The following UST variants were observed in gnomAD, a reference collection of about 807,000 sequenced individuals.
The protein encoded by UST is chondroitin sulfate 2-O-sulfotransferase.
A neutral mutation model predicts 45.6 loss-of-function variants in UST; 21 were observed. The ratio of observed to expected loss-of-function variants is 0.46; its 90% CI spans 0.33 to 0.66. The LOEUF is 0.66. Among genes scored for constraint, UST ranks in the 30% least tolerant of loss-of-function variants. The pLI is 0.02. For synonymous variants in UST, 215 were observed against 200.6 expected, an observed-to-expected ratio of 1.07 and a Z score of -0.61; for missense variants, 463 against 512.4, an observed-to-expected ratio of 0.90 and a Z score of 0.93.
chr6:148,762,929 T>C (rs1776248293), intron 1 of UST, among the ~76,000 whole-genome samples: 1 of 152,242 alleles, frequency 6.6e-6, no homozygotes, highest in Non-Finnish European at 1.5e-5. Flanking sequence ...TTTCATTCCC[T>C]GACTTTGCTG....
intron 1 of UST, among the ~76,000 whole-genome samples, chr6:148,771,747 T>C (rs900843737): frequency 1.8e-4 from 28 of 152,332 alleles, no homozygotes; most frequent in African/African-American, 6.5e-4. Context: ...TTGGATGATA[T>C]ATGTTTACTA....
intron 2 of UST, among the ~76,000 whole-genome samples, chr6:148,895,250 C>A (rs1167733189): frequency 6.6e-5 from 10 of 152,256 alleles, no homozygotes; most frequent in African/African-American, 2.2e-4. Flanking sequence ...TCTCCAATTT[C>A]TTCTATTTAA....
chr6:148,785,172 G>A (rs941545010), intron 1 of UST, among the ~76,000 whole-genome samples: 1 of 151,012 alleles, frequency 6.6e-6, no homozygotes, highest in Non-Finnish European at 1.5e-5. Flanking sequence ...CTGCACTGCA[G>A]CCTGGGCGAC....
chr6:148,878,264 G>T (rs2114830249), intron 1 of UST, among the ~76,000 whole-genome samples: 1 of 103,998 alleles, frequency 9.6e-6, no homozygotes, highest in Non-Finnish European at 1.9e-5. Context: ...TGAGTGCGGA[G>T]ATCGTGTATG....
chr6:149,025,206 A>G (rs1021578099), intron 7 of UST, among the ~76,000 whole-genome samples: 5 of 152,242 alleles, frequency 3.3e-5, no homozygotes, highest in African/African-American at 4.8e-5. Context: ...ACCTTTCTCA[A>G]TAACAGCGTA....
chr6:149,060,431 A>G (rs1330199868), intron 7 of UST, among the ~76,000 whole-genome samples: 1 of 152,166 alleles, frequency 6.6e-6, no homozygotes, highest in Non-Finnish European at 1.5e-5. Context: ...CCGCAGTGAC[A>G]CACATTCATT....
chr6:148,784,370 T>C (rs918040731), intron 1 of UST, among the ~76,000 whole-genome samples: 2 of 152,236 alleles, frequency 1.3e-5, no homozygotes, highest in African/African-American at 2.4e-5. Context: ...AATTATTGAA[T>C]GAAAATTTTG....
chr6:148,939,967 T>C (rs1780092583), intron 2 of UST, among the ~76,000 whole-genome samples: 1 of 152,114 alleles, frequency 6.6e-6, no homozygotes. Flanking sequence ...AGATTATGTA[T>C]TTGCAAATCC....
intron 1 of UST, among the ~76,000 whole-genome samples, chr6:148,855,186 G>A (rs1024291727): frequency 6.6e-6 from 1 of 152,180 alleles, no homozygotes; most frequent in Admixed American, 6.5e-5. Flanking sequence ...CGTGGGACCT[G>A]TGGGAGTTAC....
chr6:148,810,882 C>G (rs1170897880), intron 1 of UST, among the ~76,000 whole-genome samples: 1 of 152,070 alleles, frequency 6.6e-6, no homozygotes, highest in Non-Finnish European at 1.5e-5. Context: ...AAATAATTCC[C>G]CAAAGAAAGT....
chr6:148,772,853 A>C (rs1776458779), intron 1 of UST, among the ~76,000 whole-genome samples: 1 of 152,242 alleles, frequency 6.6e-6, no homozygotes, highest in East Asian at 1.9e-4. Flanking sequence ...AGGAACTTTT[A>C]AGAAAAGATC....
intron 2 of UST, among the ~76,000 whole-genome samples, chr6:148,892,360 G>A (rs1366472382): frequency 1.3e-5 from 2 of 152,082 alleles, no homozygotes; most frequent in East Asian, 3.8e-4. Context: ...CTCCACTCTA[G>A]TCAATGAAAT....
At chr6:148,929,203 C>T (rs1205511117) in intron 2 of UST, among the ~76,000 whole-genome samples, 1 of 152,188 alleles carries the variant, frequency 6.6e-6, no homozygotes, top group Non-Finnish European at 1.5e-5. Flanking sequence ...CAGCCTCCCC[C>T]TCTTTAGCAG....
intron 1 of UST, among the ~76,000 whole-genome samples, chr6:148,766,280 T>C (rs1221903372): frequency 6.6e-6 from 1 of 152,174 alleles, no homozygotes; most frequent in Non-Finnish European, 1.5e-5. Context: ...TTATTCTTCA[T>C]TGAAGTCTCA....
At chr6:148,913,904 C>T (rs1293702124) in intron 2 of UST, among the ~76,000 whole-genome samples, 1 of 152,180 alleles carries the variant, frequency 6.6e-6, no homozygotes, top group South Asian at 2.1e-4. Flanking sequence ...GCACTGGTTA[C>T]CAACTTATGG....
In UST at chr6:148,789,453, T is replaced by TCACA. The variant is rs58763326; in HGVS notation, c.247+41804_247+41807dup. Among the ~76,000 whole-genome samples, 170 of 134,334 alleles carry TCACA rather than the reference T, an allele frequency of 1.3e-3. 1 individual carries two copies. The highest frequency in any genetic ancestry group is 0.012 in the Middle Eastern group (3 of 258). 88.1% of individuals were successfully genotyped at this position (134,334 alleles called of 152,430 possible). ...CTCTCTCTCTCTCTCTCTCTCTCTC[T>TCACA]CACACACACACACACACACACACAC... On this transcript the variant is annotated intron_variant, in intron 1 of 7. Coordinates refer to ENST00000367463, the MANE Select transcript of UST (RefSeq NM_005715.3).
At chr6:148,814,922 TTAA>T (rs1196262736) in intron 1 of UST, among the ~76,000 whole-genome samples, 1 of 152,188 alleles carries the variant, frequency 6.6e-6, no homozygotes, top group Non-Finnish European at 1.5e-5. Flanking sequence ...ACTTACTCCA[TTAA>T]TGATGATAGC....
chr6:148,818,589 T>A (rs1777398209), intron 1 of UST, among the ~76,000 whole-genome samples: 1 of 152,226 alleles, frequency 6.6e-6, no homozygotes, highest in African/African-American at 2.4e-5. Flanking sequence ...GTTTCAAACC[T>A]GGGTGGCTGG....
At chr6:148,764,709 A>C (rs930699010) in intron 1 of UST, among the ~76,000 whole-genome samples, 2 of 152,212 alleles carry the variant, frequency 1.3e-5, no homozygotes, top group Non-Finnish European at 2.9e-5. Context: ...GAGGGAGTGC[A>C]TGAATAGGGT....
Sources: gnomAD v4.1 joint callset for allele counts (sites outside exome capture counted in the v4.1 genomes callset) on GRCh38, gnomAD v4.1.1 for gene constraint, MANE v1.5 for transcripts, NCBI Gene and HGNC (gene_info 2026-07-23, HGNC 2026-07-21) for gene names.